The following ARMC1 variants were observed in gnomAD, a reference collection of about 807,000 sequenced individuals.
The protein encoded by ARMC1 is armadillo repeat-containing protein 1.
A neutral mutation model predicts 31.4 loss-of-function variants in ARMC1; 16 were observed. That is an observed-to-expected ratio of 0.51 (90% confidence interval 0.34 to 0.77). The LOEUF (loss-of-function observed/expected upper bound fraction) is 0.77, where lower values mean the gene tolerates loss of function less well. Among genes scored for constraint, ARMC1 ranks in the 30% least tolerant of loss-of-function variants. The probability of loss-of-function intolerance (pLI) is 0.01; values close to 1 mark genes in which losing one functional copy is unlikely to be tolerated. For synonymous variants in ARMC1, 114 were observed against 118.9 expected (o/e 0.96, Z 0.27); for missense variants, 259 against 347.5 (o/e 0.75, Z 2.02).
At chr8:65,612,645 C>G (rs1808166231) in intron 4 of ARMC1, among the ~76,000 whole-genome samples, 1 of 151,496 alleles carries the variant, frequency 6.6e-6, no homozygotes. Context: ...GGCGGACCAC[C>G]TGAGGTCAGG....
At chr8:65,611,460 T>C (rs1808138696) in intron 4 of ARMC1, among the ~76,000 whole-genome samples, 1 of 147,386 alleles carries the variant, frequency 6.8e-6, no homozygotes, top group Non-Finnish European at 1.5e-5. Context: ...GTGGCTTTAA[T>C]TTGTTCTTCT....
Position 65,622,329 on chromosome 8 carries a change from C to T in ARMC1, c.209G>A (p.Arg70His), listed in dbSNP as rs768173964. 7.4e-6 allele frequency: 12 copies of T among 1,613,904 alleles called. No homozygotes were observed. In the South Asian group the frequency reaches 1.1e-4, roughly 15 times the overall value. The change falls in exon 3 of 7, where the codon CGT (arginine) becomes CAT (histidine). Residue 70 changes from arginine to histidine, a missense_variant. Transcript: ENST00000276569. ...TCCTTTCATCTTTTCTCTGTTTGCA[C>T]GGCATTCTGCCAAGTATCGAAGAGC... ...LLALRYLAEC[R>H]ANREKMKGEL...
chr8:65,631,789 T>C (rs907029241), intron 1 of ARMC1, among the ~76,000 whole-genome samples: 2 of 151,944 alleles, frequency 1.3e-5, no homozygotes. Context: ...AGGAGACTGG[T>C]TGAGGCCAGA....
At chr8:65,612,554 A>T (rs963840753) in intron 4 of ARMC1, among the ~76,000 whole-genome samples, 1 of 152,232 alleles carries the variant, frequency 6.6e-6, no homozygotes, top group East Asian at 1.9e-4. Flanking sequence ...TCTAATTTGC[A>T]TTCACTGTGC....
chr8:65,605,007 T>C (rs1327781151), intron 6 of ARMC1, among the ~76,000 whole-genome samples: 2 of 152,232 alleles, frequency 1.3e-5, no homozygotes, highest in Non-Finnish European at 2.9e-5. Context: ...TCAGGATTAG[T>C]TAAGATTAGG....
At position 65,605,526 on chromosome 8, in the gene ARMC1, G is replaced by T; in HGVS notation, c.478C>A (p.Leu160Ile). 6.2e-7 allele frequency: 1 copy of T among 1,609,936 alleles called. No individual in the cohort carries two copies. The highest frequency in any genetic ancestry group is 8.5e-7 in the Non-Finnish European group (1 of 1,176,346). ...DGLDDTSRRN[L>I]CEEALLKIKG... ...ATTTTTAACAAAGCCTCTTCACATAGATTTCTCCGAGACTGAAAAAGTAAA... is the reference window on the plus strand; with the variant it reads ...ATTTTTAACAAAGCCTCTTCACATATATTTCTCCGAGACTGAAAAAGTAAA... Residue 160 changes from leucine (L) to isoleucine (I), a missense_variant, in exon 5 of 7, where the codon CTA becomes ATA. Around this residue, in one of 3 missense-constraint regions of ARMC1, gnomAD observed 23 missense variants for 60.8 expected, o/e 0.38. Coordinates refer to ENST00000276569, the MANE Select transcript of ARMC1 (RefSeq NM_018120.6).
At chr8:65,605,374 T>C (rs376621946) in intron 5 of ARMC1, 37 bp from the exon 6 acceptor site, 1 of 1,612,948 alleles carries the variant, frequency 6.2e-7, no homozygotes, top group Non-Finnish European at 8.5e-7. Context: ...TTGAAATTGA[T>C]TTGTTTACCT....
chr8:65,631,884 A>T (rs1339505347), intron 1 of ARMC1, among the ~76,000 whole-genome samples: 1 of 13,088 alleles, frequency 7.6e-5, no homozygotes, highest in African/African-American at 5.7e-4. Flanking sequence ...CCTGTCTCTT[A>T]AAAAAAAAAA....
chr8:65,632,507 G>T (rs150235565), intron 1 of ARMC1, among the ~76,000 whole-genome samples: 6,317 of 152,162 alleles, frequency 0.042, 195 homozygotes, highest in Non-Finnish European at 0.063. Flanking sequence ...CAGCTACTCG[G>T]GAGGCTGGGT....
intron 1 of ARMC1, among the ~76,000 whole-genome samples, chr8:65,630,663 A>G (rs1434215482): frequency 6.6e-6 from 1 of 152,166 alleles, no homozygotes; most frequent in East Asian, 1.9e-4. Flanking sequence ...TACTAAAAAT[A>G]CAAAAATTAG....
chr8:65,625,166 T>C (rs1024046014), intron 2 of ARMC1, among the ~76,000 whole-genome samples: 4 of 152,150 alleles, frequency 2.6e-5, no homozygotes, highest in Non-Finnish European at 5.9e-5. Flanking sequence ...TCTTGGGAAC[T>C]TTCACTCACT....
chr8:65,606,014 T>C (rs924375791), intron 4 of ARMC1, among the ~76,000 whole-genome samples: 6 of 152,178 alleles, frequency 3.9e-5, no homozygotes, highest in Non-Finnish European at 7.3e-5. Context: ...TTAGTAGTTA[T>C]GACAGAGACC....
chr8:65,612,360 G>A (rs952613368), intron 4 of ARMC1, among the ~76,000 whole-genome samples: 1 of 151,818 alleles, frequency 6.6e-6, no homozygotes, highest in South Asian at 2.1e-4. Context: ...GGAGGCTGAG[G>A]CAGAAAGATT....
intron 2 of ARMC1, among the ~76,000 whole-genome samples, chr8:65,624,428 G>A (rs1808468633): frequency 6.9e-6 from 1 of 144,442 alleles, no homozygotes; most frequent in South Asian, 2.2e-4. Context: ...GAACCCGGGA[G>A]GCAGAGGTTG....
intron 1 of ARMC1, among the ~76,000 whole-genome samples, chr8:65,631,883 TA>T (rs61273646): frequency 0.7 from 97,362 of 140,038 alleles, 33,537 homozygotes; most frequent in African/African-American, 0.78. Context: ...CCCTGTCTCT[TA>T]AAAAAAAAAA....
intron 4 of ARMC1, among the ~76,000 whole-genome samples, chr8:65,606,803 A>C (rs1808015036): frequency 6.6e-6 from 1 of 152,008 alleles, no homozygotes; most frequent in Admixed American, 6.6e-5. Context: ...AACATTACTA[A>C]CTCCAATATG....
At chr8:65,622,652 G>A (rs1318919035) in intron 2 of ARMC1, among the ~76,000 whole-genome samples, 1 of 151,824 alleles carries the variant, frequency 6.6e-6, no homozygotes, top group Admixed American at 6.6e-5. Flanking sequence ...ATTTAGTGGG[G>A]AAGTGAGCTG....
intron 2 of ARMC1, among the ~76,000 whole-genome samples, chr8:65,623,323 A>AAAAAAAAAAAAAAAAAG: frequency 1.4e-5 from 2 of 146,764 alleles, no homozygotes; most frequent in Admixed American, 6.9e-5. Flanking sequence ...AAAAAAAAAA[A>AAAAAAAAAAAAAAAAAG]ATGCTGGGCG....
intron 4 of ARMC1, among the ~76,000 whole-genome samples, chr8:65,609,585 G>A (rs187087642): frequency 7.9e-5 from 12 of 152,200 alleles, no homozygotes; most frequent in Non-Finnish European, 1.3e-4. Flanking sequence ...TGGGCCAGGC[G>A]CCATGGCTCA....
Sources: gnomAD v4.1 joint callset for allele counts (sites outside exome capture counted in the v4.1 genomes callset) on GRCh38, gnomAD v4.1.1 for gene constraint, gnomAD v4.1.1 regional missense constraint, MANE v1.5 for transcripts, NCBI Gene and HGNC (gene_info 2026-07-23, HGNC 2026-07-21) for gene names.